The following TOP2A variants were observed in gnomAD, a reference collection of about 807,000 sequenced individuals.
TOP2A encodes DNA topoisomerase II alpha.
TOP2A carries 68 observed loss-of-function variants against 187.2 expected under a neutral mutation model. The observed-to-expected ratio is 0.36, with a 90% CI of 0.30 to 0.44. The LOEUF is 0.44. Ranked by LOEUF, TOP2A falls within the 20% of genes least tolerant of loss-of-function variation. The pLI is 1.00. For missense variants in TOP2A, 1,196 were observed against 1,808.7 expected (o/e 0.66, Z 6.14); for synonymous variants, 542 against 593.2 (o/e 0.91, Z 1.25).
chr17:40,389,747 A>G (rs1598606157), intron 34 of TOP2A, 100 bp from the exon 35 acceptor site: 2 of 1,431,004 alleles, frequency 1.4e-6, no homozygotes, highest in East Asian at 2.5e-5. Flanking sequence ...GGAGTTTTCT[A>G]TTTTCTACCA....
At chr17:40,389,735 AAGG>A (rs1453345101) in intron 34 of TOP2A, 88 bp from the exon 35 acceptor site, 3 of 1,474,584 alleles carry the variant, frequency 2.0e-6, no homozygotes, top group Non-Finnish European at 2.7e-6. Context: ...CACTATATTC[AAGG>A]AGTTTTCTAT....
chr17:40,409,363 G>C, intron 10 of TOP2A: 1 of 411,524 alleles, frequency 2.4e-6, no homozygotes, highest in South Asian at 1.8e-5. Flanking sequence ...GAAACAGTGA[G>C]AAGCTGTCTC....
chr17:40,390,799 G>A (rs1194288590), intron 33 of TOP2A, among the ~76,000 whole-genome samples: 2 of 150,908 alleles, frequency 1.3e-5, no homozygotes, highest in Non-Finnish European at 3.0e-5. Flanking sequence ...CTAATTTTGT[G>A]TTTTTAGTAG....
At chr17:40,402,717 A>C (rs1293277968) in intron 20 of TOP2A, among the ~76,000 whole-genome samples, 189 bp downstream of exon 20, 1 of 152,220 alleles carries the variant, frequency 6.6e-6, no homozygotes, top group South Asian at 2.1e-4. Context: ...TCTCAACCTT[A>C]GCATAATTGA....
In TOP2A at chr17:40,416,485, C is replaced by A. The variant is rs772240354; in HGVS notation, c.205G>T (p.Gly69Cys). The change falls in exon 3 of 35, where the codon GGC becomes TGC. Residue 69 changes from glycine (G) to cysteine (C), a missense_variant. Transcript: ENST00000423485. ...AAAGTGACTTCCCTATAGTTAATGC[C>A]AACATCTTCATCGTAAACCCACATT... ...QQMWVYDEDV[G>C]INYREVTFVP... 18 of 1,604,476 alleles carry A rather than the reference C, an allele frequency of 1.1e-5. No individual in the cohort carries two copies. The South Asian group carries it at 1.9e-4, about 17-fold the overall frequency.
intron 16 of TOP2A, among the ~76,000 whole-genome samples, chr17:40,406,058 G>A (rs749997183): frequency 5.3e-5 from 8 of 152,068 alleles, no homozygotes; most frequent in African/African-American, 1.4e-4. Flanking sequence ...GAGCCACTAC[G>A]CTCGGCCAAT....
At position 40,398,902 on chromosome 17, in the gene TOP2A, G is replaced by A. The variant is rs544012355; in HGVS notation, c.3324C>T (p.Asn1108=). Reference sequence around the variant, plus strand: ...AGTCACTCTTTTCAGTTTCCTTTTCGTTGTCACTCTCTTCATTTTCTTCTT... The same window carrying A: ...AGTCACTCTTTTCAGTTTCCTTTTCATTGTCACTCTCTTCATTTTCTTCTT... ...PDEEENEESD[N]EKETEKSDSV... is the part of the protein sequence containing the mutation. Residue 1108 remains asparagine, a synonymous_variant, in exon 26 of 35, where the codon AAC becomes AAT. Transcript: ENST00000423485. 5.0e-6 allele frequency: 8 copies of A among 1,611,062 alleles called. No individual in the cohort carries two copies. The highest frequency in any genetic ancestry group is 2.2e-5 in the East Asian group (1 of 44,822).
rs1431267557 is a variant in TOP2A at position 40,417,836 on chromosome 17, C to T, written c.-45G>A. 1 of 1,611,926 alleles carries T rather than the reference C, an allele frequency of 6.2e-7. No individual in the cohort carries two copies. The highest frequency in any genetic ancestry group is 2.2e-5 in the East Asian group (1 of 44,812). On this transcript the variant is annotated 5_prime_UTR_variant, in exon 1 of 35. Transcript: ENST00000423485. The stretch of plus-strand genomic sequence containing the variant: ...CTCAAGAACCCTGAAAGCGACTAAA[C>T]AGGCAGGACCCCACGAGACCACCCC...
In TOP2A at chr17:40,392,309, C is replaced by T. The variant is rs1405172092; in HGVS notation, c.3997G>A (p.Asp1333Asn). ...KTKFTMDLDS[D>N]EDFSDFDEKT... Reference sequence around the variant, plus strand: ...TCATCAAAATCTGAGAAATCTTCATCTGAATCCAAATCCATTGTGAATTTT... The same window carrying T: ...TCATCAAAATCTGAGAAATCTTCATTTGAATCCAAATCCATTGTGAATTTT... Residue 1333 changes from aspartate to asparagine, a missense_variant, in exon 31 of 35, where the codon GAT becomes AAT. Physicochemically the swap from Asp to Asn is conservative, Grantham distance 23. Transcript: ENST00000423485. 1.4e-5 allele frequency: 23 copies of T among 1,600,842 alleles called. No individual in the cohort carries two copies. Among genetic ancestry groups the T allele is most frequent in the Non-Finnish European group, 2.0e-5 (23 of 1,172,966 alleles).
chr17:40,404,526 G>T (rs750027671), intron 17 of TOP2A, 35 bp from the exon 18 acceptor site: 2 of 1,245,522 alleles, frequency 1.6e-6, no homozygotes, highest in Non-Finnish European at 2.3e-6. Context: ...GAGTCTACCG[G>T]TCTAAACAAT....
rs2035164241 is a variant in TOP2A, at chr17:40,400,475, C to A, written c.2799+54G>T. On this transcript the variant is annotated intron_variant, in intron 22 of 34. Coordinates refer to ENST00000423485, the MANE Select transcript of TOP2A (RefSeq NM_001067.4). ...TTCTGAATAGTCAACAGCAATAGTACAAAAGGTATTTCTTTTGATCACAAA... is the reference window on the plus strand; with the variant it reads ...TTCTGAATAGTCAACAGCAATAGTAAAAAAGGTATTTCTTTTGATCACAAA... 10 of 1,601,548 alleles carry A rather than the reference C, an allele frequency of 6.2e-6. No individual in the cohort carries two copies. In the South Asian group the frequency reaches 6.7e-5, roughly 11 times the overall value.
rs2143655171 is a variant in TOP2A at position 40,403,054 on chromosome 17, T to C, written c.2284A>G (p.Met762Val). The change falls in exon 20 of 35, where the codon ATG becomes GTG. Residue 762 changes from methionine to valine, a missense_variant and splice_region_variant. This residue lies in a region of TOP2A where 209 missense variants were observed against 376.9 expected (regional missense o/e 0.55). Coordinates refer to ENST00000423485, the MANE Select transcript of TOP2A (RefSeq NM_001067.4). ...AEMSSYHHGE[M>V]SLMMTIINLA... ...TTGATAATGGTCATCATTAGTGACA[T>C]CTGTGGGGAAAAAAAGATTCATTAA... 3 of 1,592,066 alleles carry C rather than the reference T, an allele frequency of 1.9e-6. No individual in the cohort carries two copies. The highest frequency in any genetic ancestry group is 2.6e-6 in the Non-Finnish European group (3 of 1,168,042).
At chr17:40,401,133 C>G in intron 20 of TOP2A, 52 bp from the exon 21 acceptor site, 1 of 1,490,224 alleles carries the variant, frequency 6.7e-7, no homozygotes, top group Non-Finnish European at 9.2e-7. Flanking sequence ...GAATTTCACA[C>G]TTAACTTTTA....
At chr17:40,416,556 C>T (rs1567792107) in intron 2 of TOP2A, 44 bp from the exon 3 acceptor site, 1 of 1,492,700 alleles carries the variant, frequency 6.7e-7, no homozygotes, top group East Asian at 2.3e-5. Context: ...ATTCTATATT[C>T]ATTGTTCTGT....
At chr17:40,416,635 TA>T in intron 2 of TOP2A, 104 bp downstream of exon 2, 1 of 1,453,052 alleles carries the variant, frequency 6.9e-7, no homozygotes, top group Non-Finnish European at 9.5e-7. Flanking sequence ...TGACACTCAG[TA>T]CATGAGAGAT....
chr17:40,396,381 C>T lies in TOP2A; in HGVS notation c.3622G>A (p.Ala1208Thr), dbSNP rs2035099485. The T allele has an allele frequency of 6.2e-7, 1 of 1,613,852 alleles. No homozygotes were observed. The highest frequency in any genetic ancestry group is 8.5e-7 in the Non-Finnish European group (1 of 1,179,882). Residue 1208 changes from alanine to threonine, a missense_variant, in exon 28 of 35, where the codon GCT becomes ACT. Physicochemically the swap from Ala to Thr is moderately conservative, Grantham distance 58. Around this residue, in one of 10 missense-constraint regions of TOP2A, gnomAD observed 374 missense variants for 403.3 expected, o/e 0.93. Transcript: ENST00000423485. ...GKAKGKKTQM[A>T]EVLPSPRGQR... ...CCACGCGGAGAAGGCAAAACTTCAG[C>T]CATTTGTGTTTTTTTCCCCTTGGCC...
chr17:40,398,498 C>CT (rs2035131459), intron 27 of TOP2A, 60 bp downstream of exon 27: 3 of 1,390,510 alleles, frequency 2.2e-6, no homozygotes, highest in Non-Finnish European at 2.9e-6. Flanking sequence ...CAAAGGTATA[C>CT]TGCTGGAATA....
At position 40,390,096 on chromosome 17, in the gene TOP2A, C is replaced by G. The variant is rs762408455; in HGVS notation, c.4336G>C (p.Ala1446Pro). The G allele has an allele frequency of 3.7e-6, 6 of 1,613,710 alleles. No individual in the cohort carries two copies. In the East Asian group the frequency reaches 8.9e-5, roughly 24 times the overall value. The change falls in exon 34 of 35, where the codon GCT (alanine) becomes CCT (proline). Residue 1446 changes from alanine to proline, a missense_variant. Ala to Pro is a conservative substitution (Grantham distance 27, BLOSUM62 -1). Around this residue, in one of 10 missense-constraint regions of TOP2A, gnomAD observed 374 missense variants for 403.3 expected, o/e 0.93. Transcript: ENST00000423485. ...AAPKGTKRDPALNSGVSQKPD... is the reference protein window; with the variant it reads ...AAPKGTKRDPPLNSGVSQKPD... ...TTTTGAGAGACACCAGAATTCAAAG[C>G]TGGATCCCTTTTAGTTCCTTTTGGG...
chr17:40,390,527 G>A (rs1057208734), intron 33 of TOP2A, among the ~76,000 whole-genome samples: 7 of 151,682 alleles, frequency 4.6e-5, no homozygotes, highest in African/African-American at 9.7e-5. Context: ...TTCTCATTGC[G>A]AACTTTCTTC....
Sources: gnomAD v4.1 joint callset for allele counts (sites outside exome capture counted in the v4.1 genomes callset) on GRCh38, gnomAD v4.1.1 for gene constraint, gnomAD v4.1.1 regional missense constraint, MANE v1.5 for transcripts, NCBI Gene and HGNC (gene_info 2026-07-23, HGNC 2026-07-21) for gene names.